EYS: variants seen among roughly 807,000 people sequenced by gnomAD.
EYS encodes protein eyes shut homolog.
In EYS, 250 loss-of-function variants were observed where a neutral mutation model predicts 282.1. The observed-to-expected ratio is 0.89, with a 90% CI of 0.80 to 0.98. The LOEUF is 0.98. EYS is among the 50% of genes least tolerant of loss of function. EYS has a pLI of 0.00. For synonymous variants in EYS, 1,355 were observed against 1,282.9 expected (o/e 1.06, Z -1.20); for missense variants, 4,016 against 3,709.0 (o/e 1.08, Z -2.15).
intron 1 of EYS, among the ~76,000 whole-genome samples, chr6:65,656,096 T>C (rs751706726): frequency 7.8e-4 from 119 of 151,812 alleles, no homozygotes; most frequent in Admixed American, 4.0e-4. Context: ...ACCATGCCCA[T>C]ATAAGATCAC....
At chr6:64,010,133 CTGAGA>C (rs1462993985) in intron 33 of EYS, among the ~76,000 whole-genome samples, 1 of 152,166 alleles carries the variant, frequency 6.6e-6, no homozygotes, top group Non-Finnish European at 1.5e-5. Flanking sequence ...GCTGGCAGGG[CTGAGA>C]TATTTCCAGT....
At chr6:65,052,902 T>G (rs967606114) in intron 13 of EYS, among the ~76,000 whole-genome samples, 1 of 151,726 alleles carries the variant, frequency 6.6e-6, no homozygotes, top group Non-Finnish European at 1.5e-5. Context: ...TATTAAGGGA[T>G]TTATTTTCCA....
At chr6:64,178,064 T>C (rs1764687499) in intron 31 of EYS, among the ~76,000 whole-genome samples, 1 of 152,130 alleles carries the variant, frequency 6.6e-6, no homozygotes, top group African/African-American at 2.4e-5. Context: ...AGGTTTGTTT[T>C]TTTCTTCCTT....
intron 15 of EYS, among the ~76,000 whole-genome samples, chr6:64,930,733 G>A (rs114793619): frequency 1.3e-5 from 2 of 152,094 alleles, no homozygotes; most frequent in East Asian, 3.9e-4. Flanking sequence ...AGTCATCTGG[G>A]AGCAAACCTT....
At chr6:64,224,725 A>G (rs796167511) in intron 31 of EYS, among the ~76,000 whole-genome samples, 17 of 152,288 alleles carry the variant, frequency 1.1e-4, no homozygotes, top group African/African-American at 4.1e-4. Flanking sequence ...CACAGATGAA[A>G]GGCAACAAAA....
chr6:64,562,236 CTTA>C (rs772267691), intron 26 of EYS, among the ~76,000 whole-genome samples: 40 of 151,262 alleles, frequency 2.6e-4, no homozygotes, highest in Non-Finnish European at 4.7e-4. Context: ...TATTCTTTTC[CTTA>C]TTAATTCTGG....
rs182796387 is a variant in EYS, at chr6:64,295,140, C to T, written c.6191+11830G>A. Among the ~76,000 whole-genome samples, 373 of 150,664 alleles carry T rather than the reference C, an allele frequency of 2.5e-3. 1 individual carries two copies. Among genetic ancestry groups the T allele is most frequent in the African/African-American group, 8.3e-3 (339 of 40,822 alleles). ...CTGTAACCCCAGCACTTTAGGAGGC[C>T]GAAGCGGGGGGATCACGAGGTCAGG... is the stretch of plus-strand genomic sequence containing the variant. On this transcript the variant is annotated intron_variant, in intron 30 of 42. Coordinates refer to ENST00000503581, the MANE Select transcript of EYS (RefSeq NM_001142800.2).
intron 5 of EYS, among the ~76,000 whole-genome samples, chr6:65,466,665 G>A (rs1366176599): frequency 1.3e-5 from 2 of 152,026 alleles, no homozygotes; most frequent in Non-Finnish European, 2.9e-5. Context: ...CAGATGTGAT[G>A]AAAAAAGACA....
chr6:64,385,469 T>A (rs1772877583), intron 29 of EYS, among the ~76,000 whole-genome samples: 3 of 152,140 alleles, frequency 2.0e-5, no homozygotes, highest in Admixed American at 2.0e-4. Context: ...AATTTCAAGG[T>A]AACTTTATTG....
Position 65,277,452 on chromosome 6 carries a change from T to C in EYS, c.2023+18411A>G, listed in dbSNP as rs1383603205. On this transcript the variant is annotated intron_variant, in intron 12 of 42. Coordinates refer to ENST00000503581, the MANE Select transcript of EYS (RefSeq NM_001142800.2). ...GTCAAAAAAAAAAAAAGTTAATTAA[T>C]TAAAAAAAAAAGCGCCCCGGAAAAC... 2.4e-5 allele frequency among the ~76,000 whole-genome samples: 3 copies of C among 124,692 alleles called. No individual in the cohort carries two copies. The East Asian group carries it at 7.7e-4, about 32-fold the overall frequency. 81.8% of individuals were successfully genotyped at this position (124,692 alleles called of 152,430 possible). A position where few individuals can be genotyped will look rare whatever the true frequency, so the allele number is the denominator to read the frequency against.
chr6:65,265,802 A>T (rs1170738260), intron 12 of EYS, among the ~76,000 whole-genome samples: 1 of 151,920 alleles, frequency 6.6e-6, no homozygotes, highest in Admixed American at 6.6e-5. Flanking sequence ...AAATGCTCTT[A>T]TTTTTTAGCT....
chr6:64,855,868 T>G (rs1364900472), intron 19 of EYS, among the ~76,000 whole-genome samples: 1 of 152,240 alleles, frequency 6.6e-6, no homozygotes, highest in African/African-American at 2.4e-5. Flanking sequence ...TCATACATTA[T>G]GTACTCTTTC....
intron 15 of EYS, among the ~76,000 whole-genome samples, chr6:64,917,557 G>T (rs78328764): frequency 0.016 from 2,461 of 152,204 alleles, 61 homozygotes; most frequent in African/African-American, 0.057. Flanking sequence ...GGAGGTGGAG[G>T]AGATCAGTGG....
At chr6:64,248,240 G>C (rs1038406221) in intron 30 of EYS, among the ~76,000 whole-genome samples, 5 of 151,784 alleles carry the variant, frequency 3.3e-5, no homozygotes, top group African/African-American at 1.2e-4. Flanking sequence ...TCTTGAGAGA[G>C]AGGGCTGGAA....
At chr6:64,995,090 C>T (rs896213153) in intron 14 of EYS, among the ~76,000 whole-genome samples, 1 of 152,080 alleles carries the variant, frequency 6.6e-6, no homozygotes, top group East Asian at 1.9e-4. Flanking sequence ...GGCTTTGGGG[C>T]ATGCTGCATC....
At position 64,324,109 on chromosome 6, in the gene EYS, G is replaced by A. The variant is rs145501495; in HGVS notation, c.6079-17027C>T. Among the ~76,000 whole-genome samples the A allele has an allele frequency of 1.9e-3, 284 of 152,074 alleles. 1 individual carries two copies. In the Middle Eastern group the frequency reaches 0.02, roughly 11 times the overall value. On this transcript the variant is annotated intron_variant, in intron 29 of 42. Coordinates refer to ENST00000503581, the MANE Select transcript of EYS (RefSeq NM_001142800.2). ...GACATGGGATTGTTCAGAGCCTTTG[G>A]GACTCCTCCCTAACTCATTCTAGCA...
At chr6:64,356,540 C>G (rs888318827) in intron 29 of EYS, among the ~76,000 whole-genome samples, 1 of 151,532 alleles carries the variant, frequency 6.6e-6, no homozygotes, top group Non-Finnish European at 1.5e-5. Context: ...TCAAAATAAT[C>G]TAAATCAATA....
At chr6:65,545,452 C>G (rs1263589561) in intron 2 of EYS, among the ~76,000 whole-genome samples, 1 of 151,996 alleles carries the variant, frequency 6.6e-6, no homozygotes, top group Non-Finnish European at 1.5e-5. Context: ...TGGCAATGAT[C>G]TCAAAATTGA....
At chr6:65,132,222 A>G (rs1775899544) in intron 12 of EYS, among the ~76,000 whole-genome samples, 1 of 152,092 alleles carries the variant, frequency 6.6e-6, no homozygotes. Context: ...TGAGGCCAGC[A>G]TCATTCTGAT....
Sources: gnomAD v4.1 joint callset for allele counts (sites outside exome capture counted in the v4.1 genomes callset) on GRCh38, gnomAD v4.1.1 for gene constraint, MANE v1.5 for transcripts, NCBI Gene and HGNC (gene_info 2026-07-23, HGNC 2026-07-21) for gene names.